Variants in PFKFB3 observed in about 807,000 individuals in gnomAD.
PFKFB3 encodes the protein 6-phosphofructo-2-kinase/fructose-2,6-bisphosphatase 3.
In PFKFB3, 33 loss-of-function variants were observed where a neutral mutation model predicts 68.0. The observed-to-expected ratio is 0.49, with a 90% confidence interval of 0.37 to 0.65. The LOEUF is 0.65. PFKFB3 is among the 30% of genes least tolerant of loss of function. PFKFB3 has a pLI of 0.00. For missense variants in PFKFB3, 586 were observed against 712.2 expected (o/e 0.82, Z 2.02); for synonymous variants, 315 against 288.2 (o/e 1.09, Z -0.94).
chr10:6,206,599 T>A (rs1179797741), intron 1 of PFKFB3, among the ~76,000 whole-genome samples: 1 of 145,080 alleles, frequency 6.9e-6, no homozygotes, highest in Non-Finnish European at 1.5e-5. Context: ...CCCACCTCCC[T>A]CCCGGACGGG....
At chr10:6,226,828 G>A (rs1412858550) in intron 14 of PFKFB3, among the ~76,000 whole-genome samples, 1 of 152,228 alleles carries the variant, frequency 6.6e-6, no homozygotes, top group Non-Finnish European at 1.5e-5. Flanking sequence ...GCTCACGCCT[G>A]TAATCCCAGC....
chr10:6,276,394 GAAAAA>G, the PFKFB3 span, among the ~76,000 whole-genome samples: 1 of 140,866 alleles, frequency 7.1e-6, no homozygotes, highest in Non-Finnish European at 1.6e-5. Flanking sequence ...CCATGCTTCA[GAAAAA>G]AAAAAAATCC....
In PFKFB3 at chr10:6,229,020, A is replaced by G. The variant is rs1341139068; in HGVS notation, c.1515+2655A>G. On this transcript the variant is annotated intron_variant, in intron 14 of 14. Transcript: ENST00000379775. The surrounding 1 kb of genome is among the most constrained non-coding windows in gnomAD (Gnocchi z 4.3). Reference sequence around the variant, plus strand: ...GCCACAGAACTTTAATGACAGCCACATGAAGTGTCATCCCCTTGCCCCCCC... The same window carrying G: ...GCCACAGAACTTTAATGACAGCCACGTGAAGTGTCATCCCCTTGCCCCCCC... 3 of 468,366 alleles carry G rather than the reference A, an allele frequency of 6.4e-6. No individual in the cohort carries two copies. The highest frequency in any genetic ancestry group is 2.0e-5 in the African/African-American group (1 of 50,208). The allele number at this position is 468,366 out of a possible 1,614,324, so 29.0% of individuals were successfully genotyped here. A position where few individuals can be genotyped will look rare whatever the true frequency, so the allele number is the denominator to read the frequency against.
chr10:6,286,824 G>A, the PFKFB3 span, among the ~76,000 whole-genome samples: 1 of 151,440 alleles, frequency 6.6e-6, no homozygotes, highest in Admixed American at 6.6e-5. Context: ...TCTTTTTTCT[G>A]CATTATCTGG....
intron 1 of PFKFB3, among the ~76,000 whole-genome samples, chr10:6,156,008 A>AC (rs1841771733): frequency 1.3e-5 from 2 of 151,308 alleles, no homozygotes; most frequent in African/African-American, 2.4e-5. Flanking sequence ...TTCAACCCTC[A>AC]CCCCCGCTGC....
chr10:6,202,224 CCCAG>C (rs978684471), upstream of PFKFB3, among the ~76,000 whole-genome samples: 1 of 152,334 alleles, frequency 6.6e-6, no homozygotes, highest in South Asian at 2.1e-4. Context: ...CCTCCTCGTA[CCCAG>C]CACCGCGGGC....
At chr10:6,230,718 T>C (rs1423593369) in intron 14 of PFKFB3, among the ~76,000 whole-genome samples, 5 of 150,982 alleles carry the variant, frequency 3.3e-5, no homozygotes, top group Admixed American at 6.6e-5. Flanking sequence ...TGGCCTGAAG[T>C]CTTTTTTTTT....
At chr10:6,169,971 A>C (rs1842257399) in intron 1 of PFKFB3, among the ~76,000 whole-genome samples, 1 of 152,260 alleles carries the variant, frequency 6.6e-6, no homozygotes, top group East Asian at 1.9e-4. Flanking sequence ...GAAAGGCTTT[A>C]CTTTTCCTCT....
In PFKFB3 at chr10:6,145,930, C is replaced by G. The variant is rs554736860; in HGVS notation, c.16+917C>G. 9.8e-5 allele frequency among the ~76,000 whole-genome samples: 15 copies of G among 152,334 alleles called. No homozygotes were observed. In the East Asian group the frequency reaches 2.9e-3, roughly 29 times the overall value. ...CCCAGCACTGCCCAGAGCCCTGGGC[C>G]CCTCTCAGCTCAAAGACCCGGGAGA... On this transcript the variant is annotated intron_variant, in intron 1 of 14. Coordinates refer to the PFKFB3 transcript ENST00000379789.
At chr10:6,236,629 C>G (rs1264162677), downstream of PFKFB3, among the ~76,000 whole-genome samples, 1 of 152,238 alleles carries the variant, frequency 6.6e-6, no homozygotes, top group African/African-American at 2.4e-5. Context: ...CTGAGGCCAC[C>G]TCCTCAAGCT....
At chr10:6,168,810 C>T (rs629734) in intron 1 of PFKFB3, among the ~76,000 whole-genome samples, 9,690 of 152,166 alleles carry the variant, frequency 0.064, 355 homozygotes, top group Non-Finnish European at 0.079. Context: ...GGTGAATGTG[C>T]GCGACAGGAG....
the PFKFB3 span, among the ~76,000 whole-genome samples, chr10:6,308,593 G>T: frequency 1.3e-5 from 2 of 152,122 alleles, no homozygotes; most frequent in African/African-American, 4.8e-5. Flanking sequence ...AGTGCATTTA[G>T]ACTCCTTTAA....
chr10:6,159,569 G>A (rs544263690), intron 1 of PFKFB3, among the ~76,000 whole-genome samples: 5 of 151,750 alleles, frequency 3.3e-5, no homozygotes, highest in African/African-American at 1.2e-4. Context: ...GTGCATGCCT[G>A]TAATCCCAGT....
At chr10:6,265,162 C>G in the PFKFB3 span, among the ~76,000 whole-genome samples, 3 of 148,098 alleles carry the variant, frequency 2.0e-5, no homozygotes, top group African/African-American at 7.5e-5. Flanking sequence ...CTCACTGCAA[C>G]CTCCACCTCC....
intron 13 of PFKFB3, chr10:6,225,324 C>A: frequency 2.4e-6 from 1 of 410,368 alleles, no homozygotes. Context: ...CAGTCGCTGG[C>A]AGTTGCCTGG....
At chr10:6,299,967 A>ATTTT in the PFKFB3 span, among the ~76,000 whole-genome samples, 2 of 49,664 alleles carry the variant, frequency 4.0e-5, no homozygotes, top group East Asian at 1.0e-3. Context: ...TGTTCAGAAG[A>ATTTT]CTTTTTTTTT....
downstream of PFKFB3, chr10:6,235,671 A>G (rs1467085514): frequency 6.6e-6 from 1 of 152,264 alleles, no homozygotes; most frequent in Non-Finnish European, 1.5e-5. Flanking sequence ...CAGAGTGTCT[A>G]GTGCCTGCAT....
chr10:6,145,360 G>A (rs1243199803), intron 1 of PFKFB3, among the ~76,000 whole-genome samples: 3 of 149,948 alleles, frequency 2.0e-5, no homozygotes, highest in African/African-American at 7.4e-5. Context: ...CCAGACCCGC[G>A]CTACCTCCTC....
At chr10:6,250,570 CAA>C (rs34324800) in intron 14 of PFKFB3, among the ~76,000 whole-genome samples, 32,515 of 122,200 alleles carry the variant, frequency 0.27, 4,278 homozygotes, top group East Asian at 0.41. Context: ...GACTCGGTCT[CAA>C]AAAAAAAAAA....
Sources: gnomAD v4.1 joint callset for allele counts (sites outside exome capture counted in the v4.1 genomes callset) on GRCh38, gnomAD v4.1.1 for gene constraint, Gnocchi (gnomAD v3.1) non-coding constraint, MANE v1.5 for transcripts, NCBI Gene and HGNC (gene_info 2026-07-23, HGNC 2026-07-21) for gene names.